Variants in ARHGAP18 observed in about 807,000 individuals in gnomAD.
The protein encoded by ARHGAP18 is rho GTPase-activating protein 18.
Under a neutral mutation model 86.2 loss-of-function variants are expected in ARHGAP18, and 67 were observed. That is an observed-to-expected ratio of 0.78 (90% CI 0.64 to 0.95). The LOEUF (loss-of-function observed/expected upper bound fraction) is 0.95. Ranked by LOEUF, ARHGAP18 falls within the 40% of genes least tolerant of loss-of-function variation. The pLI, the probability that ARHGAP18 is intolerant of heterozygous loss-of-function variation, is 0.00. For missense variants in ARHGAP18, 691 were observed against 780.4 expected, an observed-to-expected ratio of 0.89 and a Z score of 1.37; for synonymous variants, 283 against 280.4, an observed-to-expected ratio of 1.01 and a Z score of -0.09.
chr6:129,704,380 G>C (rs1392655428), intron 1 of ARHGAP18, among the ~76,000 whole-genome samples: 1 of 152,026 alleles, frequency 6.6e-6, no homozygotes, highest in Non-Finnish European at 1.5e-5. Context: ...GGGAGGTGGA[G>C]GCTGCAGTGT....
At chr6:129,683,771 C>A (rs1011177046) in intron 1 of ARHGAP18, among the ~76,000 whole-genome samples, 1 of 152,150 alleles carries the variant, frequency 6.6e-6, no homozygotes, top group African/African-American at 2.4e-5. Flanking sequence ...TGTATCTCTG[C>A]CTTGCACAAA....
At chr6:129,590,608 C>A (rs544569482) in intron 12 of ARHGAP18, among the ~76,000 whole-genome samples, 3 of 152,114 alleles carry the variant, frequency 2.0e-5, no homozygotes, top group Non-Finnish European at 2.9e-5. Flanking sequence ...GTTAAGCCAC[C>A]TTTGAGCTCA....
At chr6:129,611,301 T>C (rs1251983656) in intron 8 of ARHGAP18, among the ~76,000 whole-genome samples, 4 of 152,178 alleles carry the variant, frequency 2.6e-5, no homozygotes, top group African/African-American at 9.6e-5. Flanking sequence ...TCTTTTGTCA[T>C]AGTATTATTA....
At chr6:129,598,214 A>G (rs1480961486) in intron 12 of ARHGAP18, among the ~76,000 whole-genome samples, 4 of 152,206 alleles carry the variant, frequency 2.6e-5, no homozygotes, top group Admixed American at 2.6e-4. Flanking sequence ...CCTTTCTAAA[A>G]AAATAAGCAT....
chr6:129,584,102 G>A lies in ARHGAP18; in HGVS notation c.1724C>T (p.Pro575Leu). ...QDKSTNDADV[P>L]QGVIRVQAPH... ...AGCTTGCACTCGAATCACTCCCTGA[G>A]GAACGTCAGCCTGCAAAGCAATAAT... The change falls in exon 13 of 15, where the codon CCT becomes CTT. Residue 575 changes from proline (P) to leucine (L), a missense_variant. Pro to Leu is a moderately conservative substitution (Grantham distance 98). Coordinates refer to ENST00000368149, the MANE Select transcript of ARHGAP18 (RefSeq NM_033515.3). 6.2e-7 allele frequency: 1 copy of A among 1,613,626 alleles called. No homozygotes were observed. The highest frequency in any genetic ancestry group is 8.5e-7 in the Non-Finnish European group (1 of 1,179,740).
intron 5 of ARHGAP18, 101 bp from the exon 6 acceptor site, chr6:129,618,953 T>C: frequency 9.5e-7 from 1 of 1,054,596 alleles, no homozygotes; most frequent in African/African-American, 1.6e-5. Flanking sequence ...ATACTCAGAA[T>C]AAGTGATAAG....
chr6:129,597,133 T>C (rs1788629670), intron 12 of ARHGAP18, among the ~76,000 whole-genome samples: 2 of 152,148 alleles, frequency 1.3e-5, no homozygotes, highest in South Asian at 4.2e-4. Flanking sequence ...TTTTAAATTT[T>C]GGCTATTGAT....
At chr6:129,672,441 A>G (rs762200829) in intron 1 of ARHGAP18, among the ~76,000 whole-genome samples, 14 of 152,148 alleles carry the variant, frequency 9.2e-5, no homozygotes, top group South Asian at 2.1e-4. Context: ...CTCCCTCAAC[A>G]TTACCCATTA....
In ARHGAP18 at chr6:129,659,018, TTAA is replaced by T. The variant is rs143794098; in HGVS notation, c.114-17003_114-17001del. Among the ~76,000 whole-genome samples the T allele has an allele frequency of 2.7e-4, 41 of 152,358 alleles. No homozygotes were observed. In the East Asian group the frequency reaches 7.5e-3, roughly 28 times the overall value. On this transcript the variant is annotated intron_variant, in intron 1 of 14. Coordinates refer to ENST00000368149, the MANE Select transcript of ARHGAP18 (RefSeq NM_033515.3). The stretch of plus-strand genomic sequence containing the variant: ...TTACAAAAGTGAAAAGCAGATCAAA[TTAA>T]TGTTAATTTTAACCCACGCAATATA...
chr6:129,687,995 A>T (rs1324564107), intron 1 of ARHGAP18, among the ~76,000 whole-genome samples: 1 of 152,242 alleles, frequency 6.6e-6, no homozygotes, highest in Non-Finnish European at 1.5e-5. Flanking sequence ...GTTCCAGTTC[A>T]GTAGACCCAG....
At chr6:129,674,384 T>C (rs936605580) in intron 1 of ARHGAP18, among the ~76,000 whole-genome samples, 2 of 152,178 alleles carry the variant, frequency 1.3e-5, no homozygotes, top group East Asian at 3.8e-4. Context: ...AATTCTATGG[T>C]TCTAGGACAC....
rs1788842214 is a variant in ARHGAP18, at chr6:129,605,885, T to A, written c.1357A>T (p.Thr453Ser). ...AAATTAACCAAGCTGACCTTCAGTGTGTCCCTGTTTGCATCAGGTAGGAGG... is the reference window on the plus strand; with the variant it reads ...AAATTAACCAAGCTGACCTTCAGTGAGTCCCTGTTTGCATCAGGTAGGAGG... The part of the protein sequence containing the change: ...VILLPDANRD[T>S]LKALLEFLQR... The change falls in exon 10 of 15, where the codon ACA (threonine) becomes TCA (serine). Residue 453 changes from threonine to serine, a missense_variant. Transcript: ENST00000368149. 1 of 1,613,060 alleles carries A rather than the reference T, an allele frequency of 6.2e-7. No individual in the cohort carries two copies. Among genetic ancestry groups the A allele is most frequent in the Admixed American group, 1.7e-5 (1 of 59,984 alleles).
rs1788680924 is a variant in ARHGAP18, at chr6:129,599,057, CAGT to C, written c.1713+156_1713+158del. 5.4e-6 allele frequency: 3 copies of C among 556,140 alleles called. No homozygotes were observed. In the East Asian group the frequency reaches 1.1e-4, roughly 20 times the overall value. The allele number at this position is 556,140 out of a possible 1,614,324, so 34.5% of individuals were successfully genotyped here. ...AACTGTCAATACTGATCATTAGCAGCAGTAGTAGGAAGACAGTTACTGATGTCT... is the reference window on the plus strand; with the variant it reads ...AACTGTCAATACTGATCATTAGCAGCAGTAGGAAGACAGTTACTGATGTCT... On this transcript the variant is annotated intron_variant, in intron 12 of 14. Transcript: ENST00000368149.
intron 7 of ARHGAP18, among the ~76,000 whole-genome samples, chr6:129,614,534 TA>T (rs965368785): frequency 1.2e-4 from 18 of 149,410 alleles, no homozygotes; most frequent in South Asian, 8.4e-4. Flanking sequence ...TAAATAAATT[TA>T]AAAAAAAAAC....
intron 1 of ARHGAP18, among the ~76,000 whole-genome samples, chr6:129,689,228 G>A (rs1774484446): frequency 6.6e-6 from 1 of 152,228 alleles, no homozygotes; most frequent in East Asian, 1.9e-4. Flanking sequence ...GAGAAGCTCT[G>A]ATTTCCCTCT....
chr6:129,707,282 T>C (rs1774816881), intron 1 of ARHGAP18, among the ~76,000 whole-genome samples: 1 of 151,906 alleles, frequency 6.6e-6, no homozygotes, highest in Non-Finnish European at 1.5e-5. Flanking sequence ...GTCATACACA[T>C]ATGTATAAAT....
intron 5 of ARHGAP18, among the ~76,000 whole-genome samples, chr6:129,622,956 G>A (rs578168830): frequency 2.7e-4 from 37 of 136,490 alleles, no homozygotes; most frequent in Non-Finnish European, 4.7e-4. Context: ...AGCCGAGATC[G>A]CGCCATTGCA....
intron 12 of ARHGAP18, among the ~76,000 whole-genome samples, chr6:129,587,837 T>C (rs1442053062): frequency 6.6e-6 from 1 of 152,180 alleles, no homozygotes; most frequent in Non-Finnish European, 1.5e-5. Flanking sequence ...CAAAATCTCA[T>C]GTCCTCACAT....
rs1336332126 is a variant in ARHGAP18 at position 129,576,719 on chromosome 6, C to T, written c.*1794G>A. 6.6e-6 allele frequency: 1 copy of T among 151,930 alleles called. No homozygotes were observed. Among genetic ancestry groups the T allele is most frequent in the Non-Finnish European group, 1.5e-5 (1 of 67,984 alleles). 9.4% of individuals were successfully genotyped at this position (151,930 alleles called of 1,614,324 possible). On this transcript the variant is annotated 3_prime_UTR_variant, in exon 15 of 15. Transcript: ENST00000368149. ...GACAACCTTTTACTTAAATCATTAT[C>T]CTCACTGCTATCTTTTTTTTTGAAG...
Sources: allele counts gnomAD v4.1 joint callset (sites outside exome capture counted in the v4.1 genomes callset), GRCh38; gene constraint gnomAD v4.1.1; transcripts MANE v1.5; gene names NCBI Gene and HGNC (gene_info 2026-07-23, HGNC 2026-07-21).